MYPN: variants seen among roughly 807,000 people sequenced by gnomAD.
MYPN encodes myopalladin.
MYPN carries 63 observed loss-of-function variants against 129.4 expected under a neutral mutation model. That is an observed-to-expected ratio of 0.49 (90% CI 0.40 to 0.60). The LOEUF (loss-of-function observed/expected upper bound fraction) is 0.60, where lower values mean the gene tolerates loss of function less well. Ranked by LOEUF, MYPN falls within the 20% of genes least tolerant of loss-of-function variation. The pLI is 0.00. For missense variants in MYPN, 1,596 were observed against 1,635.4 expected (o/e 0.98, Z 0.42); for synonymous variants, 629 against 600.9 (o/e 1.05, Z -0.68).
chr10:68,140,539 A>G lies in MYPN; in HGVS notation c.903-2401A>G, dbSNP rs183212397. 4.9e-4 allele frequency among the ~76,000 whole-genome samples: 74 copies of G among 152,290 alleles called. No individual in the cohort carries two copies. The East Asian group carries it at 0.014, about 29-fold the overall frequency. ...TTTTTAGGTGAAGTTAGAAAATGTA[A>G]CAATCATTCAGAATTGATGGTAAAA... On this transcript the variant is annotated intron_variant, in intron 2 of 19. Transcript: ENST00000358913.
intron 7 of MYPN, among the ~76,000 whole-genome samples, chr10:68,158,837 T>C (rs574038203): frequency 3.3e-5 from 5 of 152,350 alleles, no homozygotes; most frequent in African/African-American, 7.2e-5. Context: ...TATTCTTTTT[T>C]GTAAATTAAT....
chr10:68,088,083 C>T (rs1564634682), intron 1 of MYPN, among the ~76,000 whole-genome samples: 1 of 152,116 alleles, frequency 6.6e-6, no homozygotes, highest in Non-Finnish European at 1.5e-5. Context: ...AATACTGTCC[C>T]AGTAAAAAGG....
At chr10:68,209,236 G>A (rs1275759449) in intron 19 of MYPN, among the ~76,000 whole-genome samples, 1 of 152,186 alleles carries the variant, frequency 6.6e-6, no homozygotes, top group East Asian at 1.9e-4. Context: ...CCACAGCAGA[G>A]ACTGTGAAGT....
chr10:68,124,557 C>T (rs766935100), intron 2 of MYPN, among the ~76,000 whole-genome samples: 4 of 152,176 alleles, frequency 2.6e-5, no homozygotes, highest in East Asian at 1.9e-4. Context: ...TTTTCAAAGG[C>T]GACATAAGGC....
At chr10:68,145,394 T>C (rs2042646024) in intron 3 of MYPN, 81 bp from the exon 4 acceptor site, 1 of 1,143,416 alleles carries the variant, frequency 8.7e-7, no homozygotes, top group Admixed American at 1.8e-5. Flanking sequence ...AGTATCATCT[T>C]AAAAATCTTA....
At chr10:68,196,419 C>A (rs1055841063) in intron 15 of MYPN, among the ~76,000 whole-genome samples, 4 of 149,296 alleles carry the variant, frequency 2.7e-5, no homozygotes, top group Non-Finnish European at 6.0e-5. Flanking sequence ...ACCAAAGGAA[C>A]AAAAATAGTG....
intron 2 of MYPN, among the ~76,000 whole-genome samples, chr10:68,141,766 C>T (rs1459176983): frequency 6.6e-6 from 1 of 152,166 alleles, no homozygotes; most frequent in Non-Finnish European, 1.5e-5. Flanking sequence ...GGTAGAACTT[C>T]CACATATCTA....
rs373101027 is a variant in MYPN at position 68,197,360 on chromosome 10, C to T, written c.3167C>T (p.Ser1056Phe). The part of the protein sequence containing the change: ...TSAGQSHRGR[S>F]RVQERDKEPL... ...CATGCTTGTTGTTATAGGGGAAGAT[C>T]CCGAGTGCAAGAAAGAGACAAAGAG... The change falls in exon 16 of 20, where the codon TCC becomes TTC. Residue 1056 changes from serine (S) to phenylalanine (F), a missense_variant. Transcript: ENST00000358913. 2.0e-4 allele frequency: 315 copies of T among 1,613,402 alleles called. 6 individuals carry two copies. The South Asian group carries it at 3.2e-3, about 16-fold the overall frequency.
intron 6 of MYPN, among the ~76,000 whole-genome samples, chr10:68,155,775 T>C: frequency 6.6e-6 from 1 of 152,290 alleles, no homozygotes; most frequent in East Asian, 1.9e-4. Context: ...CTTATAACTA[T>C]GACTCTTAAC....
intron 1 of MYPN, among the ~76,000 whole-genome samples, chr10:68,096,337 G>A (rs910032209): frequency 3.3e-5 from 5 of 152,224 alleles, no homozygotes; most frequent in Admixed American, 3.3e-4. Flanking sequence ...GTTGAGGCAG[G>A]AGGATCACAA....
At chr10:68,153,173 A>G (rs144552808) in intron 6 of MYPN, among the ~76,000 whole-genome samples, 4 of 150,984 alleles carry the variant, frequency 2.6e-5, no homozygotes, top group East Asian at 3.9e-4. Flanking sequence ...TTTAGTAGAG[A>G]CGGGGTTTCA....
intron 1 of MYPN, among the ~76,000 whole-genome samples, chr10:68,111,319 G>C (rs760166302): frequency 6.6e-6 from 1 of 152,152 alleles, no homozygotes; most frequent in Admixed American, 6.5e-5. Flanking sequence ...GTTCCTACAC[G>C]TAATAGGAAT....
chr10:68,145,408 C>T lies in MYPN; in HGVS notation c.1079-67C>T, dbSNP rs533367460. The T allele has an allele frequency of 1.3e-5, 16 of 1,231,420 alleles. No homozygotes were observed. The East Asian group carries it at 1.6e-4, about 13-fold the overall frequency. 76.3% of individuals were successfully genotyped at this position (1,231,420 alleles called of 1,614,324 possible). On this transcript the variant is annotated intron_variant, in intron 3 of 19. Coordinates refer to ENST00000358913, the MANE Select transcript of MYPN (RefSeq NM_032578.4). ...AAGTATCATCTTAAAAATCTTATGT[C>T]GTGTTTAGGAACCAATTTAAGAAAT...
At chr10:68,111,681 G>T (rs1231135965) in intron 1 of MYPN, among the ~76,000 whole-genome samples, 2 of 152,190 alleles carry the variant, frequency 1.3e-5, no homozygotes, top group East Asian at 3.8e-4. Context: ...ACAAAGGTTG[G>T]TGGGACTATT....
At chr10:68,176,347 C>T (rs908894584) in intron 12 of MYPN, among the ~76,000 whole-genome samples, 4 of 152,126 alleles carry the variant, frequency 2.6e-5, no homozygotes, top group Admixed American at 6.6e-5. Flanking sequence ...ATTTTTAATG[C>T]AGGTTTACAT....
At chr10:68,203,730 G>A (rs539229064) in intron 18 of MYPN, among the ~76,000 whole-genome samples, 1 of 126,750 alleles carries the variant, frequency 7.9e-6, no homozygotes, top group South Asian at 2.6e-4. Flanking sequence ...CAGAGAGAGA[G>A]AGAGAGAGAG....
chr10:68,166,766 C>T, intron 10 of MYPN, 100 bp downstream of exon 10: 1 of 1,493,056 alleles, frequency 6.7e-7, no homozygotes, highest in South Asian at 1.2e-5. Flanking sequence ...CAGTTGCTCA[C>T]ACCTGTAATC....
chr10:68,134,930 C>G (rs1589541868), intron 2 of MYPN, among the ~76,000 whole-genome samples: 1 of 152,032 alleles, frequency 6.6e-6, no homozygotes, highest in East Asian at 1.9e-4. Flanking sequence ...TGGAAGAACT[C>G]AATAAATTAT....
At chr10:68,175,253 C>A (rs2043208783) in intron 11 of MYPN, 70 bp from the exon 12 acceptor site, 1 of 1,566,650 alleles carries the variant, frequency 6.4e-7, no homozygotes, top group Non-Finnish European at 8.8e-7. Context: ...TTCAACCACT[C>A]TGATTTCTAG....
Sources: gnomAD v4.1 joint callset for allele counts (sites outside exome capture counted in the v4.1 genomes callset) on GRCh38, gnomAD v4.1.1 for gene constraint, MANE v1.5 for transcripts, NCBI Gene and HGNC (gene_info 2026-07-23, HGNC 2026-07-21) for gene names.